Variants in RXFP1 observed in about 807,000 individuals in gnomAD.
RXFP1 encodes the protein relaxin receptor 1.
In RXFP1, 73 loss-of-function variants were observed where a neutral mutation model predicts 89.8. The observed-to-expected ratio is 0.81, with a 90% CI of 0.67 to 0.99. The LOEUF (loss-of-function observed/expected upper bound fraction) is 0.99. Ranked by LOEUF, RXFP1 falls within the 50% of genes least tolerant of loss-of-function variation. RXFP1 has a pLI of 0.00. For missense variants in RXFP1, 793 were observed against 895.5 expected (o/e 0.89, Z 1.46); for synonymous variants, 277 against 305.5 (o/e 0.91, Z 0.97).
chr4:158,648,852 C>G, intron 17 of RXFP1, 135 bp downstream of exon 17: 1 of 621,970 alleles, frequency 1.6e-6, no homozygotes, highest in Non-Finnish European at 2.7e-6. Context: ...GTGGCTCATG[C>G]CTATAATCCC....
intron 15 of RXFP1, chr4:158,646,183 A>C (rs1451303714): frequency 3.5e-6 from 1 of 285,534 alleles, no homozygotes; most frequent in Non-Finnish European, 6.9e-6. Context: ...AAAAAGATGT[A>C]AAAATTGAAA....
At chr4:158,530,142 T>C (rs564578598) in intron 1 of RXFP1, among the ~76,000 whole-genome samples, 14 of 152,164 alleles carry the variant, frequency 9.2e-5, no homozygotes, top group Non-Finnish European at 1.6e-4. Flanking sequence ...CATTATAAAA[T>C]AGAACATGCA....
chr4:158,596,223 G>GT (rs1259012036), intron 3 of RXFP1, among the ~76,000 whole-genome samples: 1 of 150,760 alleles, frequency 6.6e-6, no homozygotes, highest in Non-Finnish European at 1.5e-5. Flanking sequence ...TCTCAAAACA[G>GT]TTTTTTTCTT....
chr4:158,651,158 G>GC (rs1561215079), intron 17 of RXFP1, among the ~76,000 whole-genome samples: 3 of 151,906 alleles, frequency 2.0e-5, no homozygotes, highest in African/African-American at 7.3e-5. Flanking sequence ...AGTAATGACA[G>GC]CATCAATTAA....
At chr4:158,625,233 C>T (rs570227146) in intron 9 of RXFP1, among the ~76,000 whole-genome samples, 267 of 152,188 alleles carry the variant, frequency 1.8e-3, no homozygotes, top group Non-Finnish European at 3.1e-3. Flanking sequence ...TGATTAGCTT[C>T]CAACTTAATA....
At chr4:158,537,791 C>G (rs905233859) in intron 1 of RXFP1, among the ~76,000 whole-genome samples, 20 of 152,156 alleles carry the variant, frequency 1.3e-4, no homozygotes, top group African/African-American at 3.9e-4. Context: ...AACTAATAAA[C>G]AAGCTATCTC....
At chr4:158,627,215 C>T (rs1369334421) in intron 10 of RXFP1, among the ~76,000 whole-genome samples, 3 of 151,954 alleles carry the variant, frequency 2.0e-5, no homozygotes, top group Admixed American at 6.6e-5. Flanking sequence ...GAGTGTAATT[C>T]CTTCTTATGC....
intron 16 of RXFP1, among the ~76,000 whole-genome samples, chr4:158,648,203 T>C (rs1248857979): frequency 6.6e-6 from 1 of 152,068 alleles, no homozygotes; most frequent in Admixed American, 6.6e-5. Flanking sequence ...ACATCACTAA[T>C]ACTAGAAAGC....
intron 2 of RXFP1, among the ~76,000 whole-genome samples, chr4:158,587,447 A>C (rs1298515290): frequency 6.6e-6 from 1 of 152,216 alleles, no homozygotes; most frequent in Non-Finnish European, 1.5e-5. Flanking sequence ...GTTAATAACA[A>C]CTTCTGGTTG....
At chr4:158,541,287 A>C (rs1378314201) in intron 1 of RXFP1, among the ~76,000 whole-genome samples, 1 of 151,360 alleles carries the variant, frequency 6.6e-6, no homozygotes, top group African/African-American at 2.4e-5. Context: ...AAATCTCATA[A>C]ATAATATTAC....
At chr4:158,590,062 T>TA (rs1759114184) in intron 2 of RXFP1, among the ~76,000 whole-genome samples, 1 of 152,024 alleles carries the variant, frequency 6.6e-6, no homozygotes. Flanking sequence ...AAAAAAAAAT[T>TA]TTTTTAATGA....
At chr4:158,576,233 C>A (rs1295822272) in intron 2 of RXFP1, among the ~76,000 whole-genome samples, 1 of 152,028 alleles carries the variant, frequency 6.6e-6, no homozygotes, top group African/African-American at 2.4e-5. Context: ...GTCCTGAGAC[C>A]AAATTCATCA....
intron 2 of RXFP1, among the ~76,000 whole-genome samples, chr4:158,588,002 C>A (rs1006923455): frequency 5.9e-5 from 9 of 152,038 alleles, no homozygotes; most frequent in Non-Finnish European, 1.2e-4. Flanking sequence ...GCCAAAAGGT[C>A]AAAAAACTCT....
chr4:158,642,547 A>G (rs1176556395), intron 14 of RXFP1, among the ~76,000 whole-genome samples: 1 of 152,190 alleles, frequency 6.6e-6, no homozygotes, highest in Non-Finnish European at 1.5e-5. Flanking sequence ...GGTGTTTAAC[A>G]TTATTCCTGG....
chr4:158,600,740 T>A (rs2150094353), intron 4 of RXFP1, among the ~76,000 whole-genome samples: 1 of 151,884 alleles, frequency 6.6e-6, no homozygotes. Context: ...GGCAAGGGGA[T>A]CACTTGAGCC....
intron 8 of RXFP1, among the ~76,000 whole-genome samples, chr4:158,614,191 G>A (rs555806535): frequency 1.6e-4 from 24 of 152,278 alleles, no homozygotes; most frequent in Non-Finnish European, 2.5e-4. Flanking sequence ...TAGATTTAGC[G>A]TAATTCTTGA....
rs1433640864 is a variant in RXFP1, at chr4:158,534,978, AT to A, written c.49+12955del. On this transcript the variant is annotated intron_variant, in intron 1 of 17. Transcript: ENST00000307765. ...ATATTACTATTATAGATAATATAAA[AT>A]TATTTATAATTATATAATATTTTAT... Among the ~76,000 whole-genome samples the A allele has an allele frequency of 4.0e-5, 6 of 148,214 alleles. No homozygotes were observed. The South Asian group carries it at 1.0e-3, about 26-fold the overall frequency.
chr4:158,531,128 C>A (rs1434827402), intron 1 of RXFP1, among the ~76,000 whole-genome samples: 1 of 152,170 alleles, frequency 6.6e-6, no homozygotes, highest in African/African-American at 2.4e-5. Context: ...ACTCTGCCCC[C>A]TGGCTCAAGC....
chr4:158,650,944 C>A (rs1772579913), intron 17 of RXFP1, among the ~76,000 whole-genome samples: 1 of 151,926 alleles, frequency 6.6e-6, no homozygotes, highest in South Asian at 2.1e-4. Flanking sequence ...CCCTGAGACC[C>A]CAACTCTTCA....
Sources: gnomAD v4.1 joint callset for allele counts (sites outside exome capture counted in the v4.1 genomes callset) on GRCh38, gnomAD v4.1.1 for gene constraint, MANE v1.5 for transcripts, NCBI Gene and HGNC (gene_info 2026-07-23, HGNC 2026-07-21) for gene names.